DPP6: variants seen among roughly 807,000 people sequenced by gnomAD.
DPP6 encodes the protein dipeptidyl peptidase like 6.
In DPP6, 69 loss-of-function variants were observed where a neutral mutation model predicts 122.6. The observed-to-expected ratio is 0.56, with a 90% confidence interval of 0.46 to 0.69. DPP6 has a LOEUF of 0.69. Among genes scored for constraint, DPP6 ranks in the 30% least tolerant of loss-of-function variants. DPP6 has a pLI of 0.00. For missense variants in DPP6, 928 were observed against 1,116.9 expected, an observed-to-expected ratio of 0.83 and a Z score of 2.41; for synonymous variants, 418 against 433.1, an observed-to-expected ratio of 0.97 and a Z score of 0.43.
At chr7:154,425,290 C>T (rs948978082) in intron 1 of DPP6, among the ~76,000 whole-genome samples, 2 of 152,180 alleles carry the variant, frequency 1.3e-5, no homozygotes, top group Non-Finnish European at 1.5e-5. Context: ...CCCAACAACA[C>T]TGCATAGAAA....
chr7:154,509,273 A>C (rs2129760999), intron 3 of DPP6, among the ~76,000 whole-genome samples: 1 of 152,346 alleles, frequency 6.6e-6, no homozygotes, highest in South Asian at 2.1e-4. Flanking sequence ...AGAATGCTTA[A>C]ACCCAATAAT....
the DPP6 span, among the ~76,000 whole-genome samples, chr7:153,831,703 A>G: frequency 9.9e-5 from 15 of 152,180 alleles, no homozygotes. Flanking sequence ...TAATTTTGTT[A>G]TACCCACTGA....
intron 1 of DPP6, among the ~76,000 whole-genome samples, chr7:154,215,699 A>C (rs990306317): frequency 1.3e-5 from 2 of 152,084 alleles, no homozygotes; most frequent in Non-Finnish European, 2.9e-5. Context: ...GCAGCATCTC[A>C]GCTTCCACCT....
At chr7:153,959,233 T>G (rs1424505826) in intron 1 of DPP6, among the ~76,000 whole-genome samples, 2 of 151,964 alleles carry the variant, frequency 1.3e-5, no homozygotes, top group African/African-American at 4.8e-5. Context: ...CACAGAATTT[T>G]TCTGCAGTGC....
At chr7:154,660,417 G>C (rs372635310) in intron 6 of DPP6, among the ~76,000 whole-genome samples, 15 of 146,070 alleles carry the variant, frequency 1.0e-4, no homozygotes, top group South Asian at 4.4e-4. Context: ...TGTTCATATA[G>C]TCATGGTGAA....
intron 1 of DPP6, among the ~76,000 whole-genome samples, chr7:153,903,416 A>G (rs975285560): frequency 3.3e-5 from 5 of 152,280 alleles, no homozygotes; most frequent in Non-Finnish European, 2.9e-5. Flanking sequence ...CCCTCTGACA[A>G]CCCTGGATGA....
chr7:154,426,248 ATATATT>A (rs1817901410), intron 1 of DPP6, among the ~76,000 whole-genome samples: 1 of 152,214 alleles, frequency 6.6e-6, no homozygotes, highest in Non-Finnish European at 1.5e-5. Context: ...TACAATAAAA[ATATATT>A]TAAGAATTTA....
At chr7:154,274,777 C>A (rs1304593339) in intron 1 of DPP6, among the ~76,000 whole-genome samples, 2 of 152,220 alleles carry the variant, frequency 1.3e-5, no homozygotes, top group Non-Finnish European at 2.9e-5. Context: ...TCTGGGAGGT[C>A]ATGAGTATAA....
chr7:154,599,764 T>C (rs1833324069), intron 5 of DPP6, among the ~76,000 whole-genome samples: 1 of 149,508 alleles, frequency 6.7e-6, no homozygotes, highest in Non-Finnish European at 1.5e-5. Context: ...ACTGAGAACA[T>C]GCAGTGTTTG....
chr7:153,968,419 G>A lies in DPP6; in HGVS notation c.51+80685G>A, dbSNP rs371142382. The stretch of plus-strand genomic sequence containing the variant: ...TAATGTGGTTATTTGCTTTTTGCTT[G>A]TTTATTTTAAATTCCTTGTAGATTG... On this transcript the variant is annotated intron_variant, in intron 1 of 25. Transcript: ENST00000404039. 2.9e-4 allele frequency among the ~76,000 whole-genome samples: 44 copies of A among 152,128 alleles called. No homozygotes were observed. In the South Asian group the frequency reaches 8.1e-3, roughly 28 times the overall value.
the DPP6 span, among the ~76,000 whole-genome samples, chr7:153,855,508 CT>C: frequency 1.3e-5 from 2 of 152,090 alleles, no homozygotes; most frequent in Non-Finnish European, 2.9e-5. Context: ...TGTTGTTGTT[CT>C]TTGTTTAGAA....
In DPP6 at chr7:154,481,721, G is replaced by C. The variant is rs766775050; in HGVS notation, c.457+6684G>C. On this transcript the variant is annotated intron_variant, in intron 3 of 25. Transcript: ENST00000377770. The surrounding 1 kb of genome is among the most constrained non-coding windows in gnomAD (Gnocchi z 4.2). ...GTCCAGCCCACTCGCTCTCCTCTCC[G>C]CGTCCACTTGTGATCACTCCTAGTC... Among the ~76,000 whole-genome samples the C allele has an allele frequency of 1.3e-4, 19 of 151,860 alleles. No individual in the cohort carries two copies. Among genetic ancestry groups the C allele is most frequent in the Non-Finnish European group, 2.6e-4 (18 of 67,988 alleles).
chr7:154,375,641 C>T (rs1386778057), intron 1 of DPP6, among the ~76,000 whole-genome samples: 1 of 151,680 alleles, frequency 6.6e-6, no homozygotes, highest in Admixed American at 6.5e-5. Context: ...GAGAAGGGAG[C>T]CATCCACAAG....
chr7:153,944,799 T>A (rs1801871967), intron 1 of DPP6, among the ~76,000 whole-genome samples: 1 of 151,200 alleles, frequency 6.6e-6, no homozygotes, highest in African/African-American at 2.4e-5. Context: ...CCTGGCTAAT[T>A]TTTGTATTTT....
At chr7:153,976,949 G>C (rs1326744407) in intron 1 of DPP6, among the ~76,000 whole-genome samples, 1 of 152,166 alleles carries the variant, frequency 6.6e-6, no homozygotes, top group Non-Finnish European at 1.5e-5. Context: ...CCTCAGGGTC[G>C]GGGTGAGCCG....
the DPP6 span, among the ~76,000 whole-genome samples, chr7:153,755,340 C>A: frequency 2.1e-5 from 3 of 144,246 alleles, no homozygotes; most frequent in South Asian, 4.7e-4. Flanking sequence ...GACTTTAAAT[C>A]TTTGTGAAGC....
At chr7:154,245,249 G>A (rs1801898425) in intron 1 of DPP6, among the ~76,000 whole-genome samples, 1 of 151,972 alleles carries the variant, frequency 6.6e-6, no homozygotes, top group South Asian at 2.1e-4. Context: ...CACTGCACCA[G>A]GCCTACAAGG....
At chr7:153,996,064 T>C (rs989252019) in intron 1 of DPP6, among the ~76,000 whole-genome samples, 4 of 152,132 alleles carry the variant, frequency 2.6e-5, no homozygotes, top group Admixed American at 2.6e-4. Flanking sequence ...TGTCACCCAG[T>C]AGGCCCTCAG....
intron 7 of DPP6, among the ~76,000 whole-genome samples, chr7:154,689,815 G>A (rs1400242965): frequency 6.6e-6 from 1 of 152,168 alleles, no homozygotes; most frequent in African/African-American, 2.4e-5. Context: ...CTGGCAGCTG[G>A]AATATGATGA....
Sources: allele counts gnomAD v4.1 joint callset (sites outside exome capture counted in the v4.1 genomes callset), GRCh38; gene constraint gnomAD v4.1.1; non-coding constraint Gnocchi (gnomAD v3.1); transcripts MANE v1.5; gene names NCBI Gene and HGNC (gene_info 2026-07-23, HGNC 2026-07-21).